Variants in TBC1D15 observed in about 807,000 individuals in gnomAD.
The protein encoded by TBC1D15 is TBC1 domain family member 15, also known as GAP for RAB7.
In TBC1D15, 39 loss-of-function variants were observed where a neutral mutation model predicts 95.4. That is an observed-to-expected ratio of 0.41 (90% CI 0.32 to 0.53). The LOEUF (loss-of-function observed/expected upper bound fraction) is 0.53. Ranked by LOEUF, TBC1D15 falls within the 20% of genes least tolerant of loss-of-function variation. The pLI, the probability that TBC1D15 is intolerant of heterozygous loss-of-function variation, is 0.29. For synonymous variants in TBC1D15, 258 were observed against 261.3 expected, an observed-to-expected ratio of 0.99 and a Z score of 0.12; for missense variants, 733 against 794.3, an observed-to-expected ratio of 0.92 and a Z score of 0.93.
intron 10 of TBC1D15, among the ~76,000 whole-genome samples, chr12:71,901,678 G>A (rs1464762465): frequency 1.3e-5 from 2 of 152,144 alleles, no homozygotes; most frequent in East Asian, 1.9e-4. Context: ...AAAGCTGGAA[G>A]CATTCCCCTT....
chr12:71,875,693 G>T (rs1174628126), intron 3 of TBC1D15, among the ~76,000 whole-genome samples: 2 of 151,910 alleles, frequency 1.3e-5, no homozygotes, highest in Non-Finnish European at 2.9e-5. Flanking sequence ...CATTTGAACA[G>T]ATTTTTTTAT....
At chr12:71,894,953 C>T in intron 7 of TBC1D15, 70 bp downstream of exon 7, 1 of 1,450,440 alleles carries the variant, frequency 6.9e-7, no homozygotes, top group Non-Finnish European at 9.3e-7. Context: ...GAAATAGAAA[C>T]TTAATTTTGG....
At chr12:71,896,848 G>A in intron 9 of TBC1D15, 68 bp downstream of exon 9, 2 of 1,202,540 alleles carry the variant, frequency 1.7e-6, no homozygotes, top group South Asian at 1.6e-5. Context: ...ATTAGTATAG[G>A]GTTTCTAGAT....
intron 10 of TBC1D15, among the ~76,000 whole-genome samples, chr12:71,901,940 C>G (rs1345221173): frequency 6.6e-6 from 1 of 152,006 alleles, no homozygotes; most frequent in Non-Finnish European, 1.5e-5. Flanking sequence ...TTGGTATACA[C>G]CAACAACGTC....
intron 10 of TBC1D15, among the ~76,000 whole-genome samples, chr12:71,904,731 C>G (rs1369077555): frequency 6.6e-6 from 1 of 152,174 alleles, no homozygotes; most frequent in Non-Finnish European, 1.5e-5. Flanking sequence ...TAGTGGGAAC[C>G]TGTGAAAGTT....
chr12:71,924,086 A>G lies in TBC1D15; in HGVS notation c.*882A>G, dbSNP rs981174570. On this transcript the variant is annotated 3_prime_UTR_variant, in exon 17 of 17. Coordinates refer to ENST00000485960, the MANE Select transcript of TBC1D15 (RefSeq NM_001146213.3). The stretch of plus-strand genomic sequence containing the variant: ...TTCCTAATAATGCATTAACTGATTA[A>G]TCAGGTGTTTAAATTTTTATAAAAT... The G allele has an allele frequency of 6.6e-6, 1 of 152,620 alleles. No individual in the cohort carries two copies. Among genetic ancestry groups the G allele is most frequent in the Admixed American group, 6.6e-5 (1 of 15,264 alleles). The allele number at this position is 152,620 out of a possible 1,614,324, so 9.5% of individuals were successfully genotyped here. A position where few individuals can be genotyped will look rare whatever the true frequency, so the allele number is the denominator to read the frequency against.
At chr12:71,840,932 A>T (rs1039920564) in intron 1 of TBC1D15, among the ~76,000 whole-genome samples, 1 of 152,146 alleles carries the variant, frequency 6.6e-6, no homozygotes, top group East Asian at 1.9e-4. Flanking sequence ...GGAGATGCCA[A>T]TCATTATTTC....
intron 6 of TBC1D15, chr12:71,894,285 TG>T: frequency 6.3e-7 from 1 of 1,579,752 alleles, no homozygotes; most frequent in Non-Finnish European, 8.7e-7. Flanking sequence ...CAGAATAGCA[TG>T]GTGGTACACA....
In TBC1D15 at chr12:71,913,928, T is replaced by C; in HGVS notation, c.1401+2T>C. ...TTTGCCTCTTACATGGACCAAATGG[T>C]AAGAACAGAGATTCCTTCCATTAAA... On this transcript the variant is annotated splice_donor_variant, in intron 12 of 16. Transcript: ENST00000485960. LOFTEE classifies it high-confidence loss of function. 2 of 1,578,656 alleles carry C rather than the reference T, an allele frequency of 1.3e-6. No individual in the cohort carries two copies. Among genetic ancestry groups the C allele is most frequent in the Non-Finnish European group, 1.7e-6 (2 of 1,162,568 alleles).
At chr12:71,856,086 T>C (rs1386756737) in intron 1 of TBC1D15, among the ~76,000 whole-genome samples, 1 of 152,218 alleles carries the variant, frequency 6.6e-6, no homozygotes, top group Non-Finnish European at 1.5e-5. Context: ...ATTTTGACAC[T>C]ATGTATCCTT....
At chr12:71,854,838 C>T (rs1321257695) in intron 1 of TBC1D15, 1 of 456,356 alleles carries the variant, frequency 2.2e-6, no homozygotes, top group East Asian at 6.9e-5. Flanking sequence ...CTGTTCTTCC[C>T]TTTCTTTTTC....
chr12:71,858,300 G>A (rs1195993319), intron 1 of TBC1D15, among the ~76,000 whole-genome samples: 1 of 151,922 alleles, frequency 6.6e-6, no homozygotes, highest in Non-Finnish European at 1.5e-5. Context: ...TGGAACTCCC[G>A]ACCTCAAGTG....
intron 3 of TBC1D15, among the ~76,000 whole-genome samples, chr12:71,878,594 C>T (rs2138427389): frequency 6.6e-6 from 1 of 151,564 alleles, no homozygotes; most frequent in Non-Finnish European, 1.5e-5. Flanking sequence ...CGGCTCACTG[C>T]AATCTCCGCC....
intron 9 of TBC1D15, among the ~76,000 whole-genome samples, chr12:71,897,045 C>G (rs1028272521): frequency 6.6e-5 from 10 of 152,076 alleles, no homozygotes; most frequent in African/African-American, 2.4e-4. Context: ...AAGCCTTTTG[C>G]ATACTTGAAA....
intron 5 of TBC1D15, among the ~76,000 whole-genome samples, chr12:71,887,537 T>G (rs1896472375): frequency 6.6e-6 from 1 of 152,224 alleles, no homozygotes; most frequent in Non-Finnish European, 1.5e-5. Context: ...TTTCAGTTCC[T>G]AAAACCCCCT....
At chr12:71,862,432 CCTT>C (rs1373825399) in intron 1 of TBC1D15, among the ~76,000 whole-genome samples, 1 of 152,070 alleles carries the variant, frequency 6.6e-6, no homozygotes, top group Non-Finnish European at 1.5e-5. Flanking sequence ...TATATAATAA[CCTT>C]CTTTGTCTCT....
intron 4 of TBC1D15, among the ~76,000 whole-genome samples, chr12:71,883,142 T>C (rs1175618172): frequency 2.0e-5 from 3 of 151,948 alleles, no homozygotes; most frequent in Non-Finnish European, 4.4e-5. Context: ...CTTTTTTTTT[T>C]CATTGCTGTT....
intron 1 of TBC1D15, among the ~76,000 whole-genome samples, chr12:71,851,800 CGTTGCAGGGCTCAGCCCCTGTGG>C (rs1887893457): frequency 7.9e-6 from 1 of 126,520 alleles, no homozygotes; most frequent in African/African-American, 3.2e-5. Context: ...TGCCCTGTGG[CGTTGCAGGGCTCAGCCCCTGTGG>C]CTGCTCTCAA....
intron 1 of TBC1D15, among the ~76,000 whole-genome samples, chr12:71,866,056 G>A (rs2138204796): frequency 6.6e-6 from 1 of 152,204 alleles, no homozygotes. Context: ...TCTGGCCTGA[G>A]GGGGTGAGGG....
Sources: gnomAD v4.1 joint callset for allele counts (sites outside exome capture counted in the v4.1 genomes callset) on GRCh38, gnomAD v4.1.1 for gene constraint, MANE v1.5 for transcripts, NCBI Gene and HGNC (gene_info 2026-07-23, HGNC 2026-07-21) for gene names.